DEPDC5: variants seen among roughly 807,000 people sequenced by gnomAD.
DEPDC5 encodes the protein DEP domain containing 5, GATOR1 subcomplex subunit.
In DEPDC5, 73 loss-of-function variants were observed where a neutral mutation model predicts 217.3. That is an observed-to-expected ratio of 0.34 (90% CI 0.28 to 0.41). The LOEUF is 0.41. DEPDC5 is among the 10% of genes least tolerant of loss of function. DEPDC5 has a pLI of 1.00. For missense variants in DEPDC5, 1,675 were observed against 2,070.1 expected, an observed-to-expected ratio of 0.81 and a Z score of 3.70; for synonymous variants, 733 against 756.7, an observed-to-expected ratio of 0.97 and a Z score of 0.51.
intron 10 of DEPDC5, among the ~76,000 whole-genome samples, chr22:31,789,015 G>A (rs903842548): frequency 3.9e-5 from 6 of 152,026 alleles, no homozygotes; most frequent in Non-Finnish European, 8.8e-5. Flanking sequence ...TCGTCCCTCA[G>A]CCTGCCAAGT....
intron 12 of DEPDC5, among the ~76,000 whole-genome samples, chr22:31,796,502 G>A (rs149546058): frequency 5.9e-5 from 9 of 152,314 alleles, no homozygotes; most frequent in Non-Finnish European, 1.2e-4. Context: ...AGTATTGCCA[G>A]TGAACATTTT....
At chr22:31,894,872 G>A (rs1219533601) in intron 39 of DEPDC5, 2 of 151,186 alleles carry the variant, frequency 1.3e-5, no homozygotes, top group Non-Finnish European at 2.9e-5. Context: ...AAAAAAGAAG[G>A]CCGGGAGCAG....
At chr22:31,763,618 A>AT (rs769050411) in intron 4 of DEPDC5, among the ~76,000 whole-genome samples, 2,039 of 143,814 alleles carry the variant, frequency 0.014, 35 homozygotes, top group African/African-American at 0.042. Context: ...TGCCTGGCTA[A>AT]TTTTTTTTTT....
chr22:31,825,898 G>C (rs187543077), intron 24 of DEPDC5, among the ~76,000 whole-genome samples: 5 of 152,276 alleles, frequency 3.3e-5, no homozygotes, highest in Non-Finnish European at 7.4e-5. Flanking sequence ...CAGGCTCCAG[G>C]ATCTTAGGAC....
chr22:31,868,706 C>T (rs143151213), intron 33 of DEPDC5, among the ~76,000 whole-genome samples: 25 of 152,312 alleles, frequency 1.6e-4, no homozygotes, highest in African/African-American at 5.8e-4. Context: ...AGATTACAGG[C>T]GTGAGCCACC....
In DEPDC5 at chr22:31,837,332, G is replaced by A. The variant is rs919499606; in HGVS notation, c.2354+177G>A. 6 of 631,822 alleles carry A rather than the reference G, an allele frequency of 9.5e-6. No individual in the cohort carries two copies. The African/African-American group carries it at 1.1e-4, about 12-fold the overall frequency. 39.1% of individuals were successfully genotyped at this position (631,822 alleles called of 1,614,324 possible). ...AAAAATTTTAAAAAAACATTGAATTGTATTTTATCTTTTTTTTTCCTTTTT... is the reference window on the plus strand; with the variant it reads ...AAAAATTTTAAAAAAACATTGAATTATATTTTATCTTTTTTTTTCCTTTTT... On this transcript the variant is annotated intron_variant, in intron 26 of 42. Coordinates refer to ENST00000651528, the MANE Select transcript of DEPDC5 (RefSeq NM_001242896.3).
chr22:31,854,226 C>G (rs1207806339), intron 31 of DEPDC5, among the ~76,000 whole-genome samples: 5 of 152,250 alleles, frequency 3.3e-5, no homozygotes, highest in Non-Finnish European at 7.3e-5. Flanking sequence ...AGGGCAAGGA[C>G]AGGGTCAGTC....
intron 21 of DEPDC5, chr22:31,816,091 G>C: frequency 1.2e-6 from 1 of 852,304 alleles, no homozygotes; most frequent in Non-Finnish European, 1.4e-6. Context: ...CTTGAGGCCA[G>C]AAGTTTGAGA....
chr22:31,768,391 G>T (rs2083015437), intron 6 of DEPDC5, among the ~76,000 whole-genome samples: 1 of 151,976 alleles, frequency 6.6e-6, no homozygotes, highest in Non-Finnish European at 1.5e-5. Flanking sequence ...TCCATACAGG[G>T]TATATTTTCA....
intron 41 of DEPDC5, among the ~76,000 whole-genome samples, chr22:31,905,637 G>A (rs965525886): frequency 1.3e-5 from 2 of 152,052 alleles, no homozygotes; most frequent in Non-Finnish European, 2.9e-5. Context: ...GATGGGTAGG[G>A]AACATGGTAG....
intron 27 of DEPDC5, among the ~76,000 whole-genome samples, chr22:31,842,788 A>G (rs2091475010): frequency 6.6e-6 from 1 of 152,152 alleles, no homozygotes; most frequent in Non-Finnish European, 1.5e-5. Context: ...TAACACAGTC[A>G]TCTCTTACAG....
intron 31 of DEPDC5, among the ~76,000 whole-genome samples, chr22:31,850,797 G>A (rs904113263): frequency 2.6e-5 from 4 of 152,134 alleles, no homozygotes; most frequent in African/African-American, 7.2e-5. Flanking sequence ...GAGGCCGGGC[G>A]CAGTGGCTCA....
At chr22:31,872,920 A>G (rs1458176446) in intron 34 of DEPDC5, among the ~76,000 whole-genome samples, 1 of 151,724 alleles carries the variant, frequency 6.6e-6, no homozygotes. Context: ...ATGCCTGGCT[A>G]ATTTTTGTAT....
At chr22:31,755,081 A>G in intron 2 of DEPDC5, 102 bp downstream of exon 2, 1 of 1,363,042 alleles carries the variant, frequency 7.3e-7, no homozygotes, top group Non-Finnish European at 1.0e-6. Flanking sequence ...ATTGAGGCTA[A>G]ACAGGCGACT....
At position 31,843,129 on chromosome 22, in the gene DEPDC5, C is replaced by G. The variant is rs774408944; in HGVS notation, c.2550C>G (p.Asp850Glu). The part of the protein sequence containing the change: ...LVSRNRPEEE[D>E]QYWLSMGRTF... ...CCCGAAACCGCCCTGAGGAGGAGGA[C>G]CAGTATTGGCTGAGTATGGGCAGAA... Residue 850 changes from aspartate (D) to glutamate (E), a missense_variant, in exon 28 of 43, where the codon GAC (aspartate) becomes GAG (glutamate). Physicochemically the swap from Asp to Glu is conservative, Grantham distance 45 (BLOSUM62 2). This residue lies in a region of DEPDC5 where 293 missense variants were observed against 386.1 expected (regional missense o/e 0.76). Coordinates refer to ENST00000651528, the MANE Select transcript of DEPDC5 (RefSeq NM_001242896.3). 3.7e-6 allele frequency: 6 copies of G among 1,613,830 alleles called. No individual in the cohort carries two copies. The African/African-American group carries it at 8.0e-5, about 22-fold the overall frequency.
rs562621798 is a variant in DEPDC5 at position 31,829,436 on chromosome 22, G to A, written c.2105-4479G>A. Among the ~76,000 whole-genome samples the A allele has an allele frequency of 3.5e-3, 537 of 152,258 alleles. 2 individuals carry two copies. The highest frequency in any genetic ancestry group is 0.014 in the Middle Eastern group (4 of 294). ...AATCCCAGCGACTTGGGAGGCTGAG[G>A]CAGGAGAATCGCTTGAACCCGGGAG... On this transcript the variant is annotated intron_variant, in intron 24 of 42. Transcript: ENST00000651528.
At chr22:31,843,961 C>T (rs1394805045) in intron 29 of DEPDC5, 149 bp downstream of exon 29, 12 of 920,858 alleles carry the variant, frequency 1.3e-5, no homozygotes, top group East Asian at 3.0e-5. Context: ...CGCGGTGGCT[C>T]ATGCCTGTAA....
Position 31,840,271 on chromosome 22 carries a change from G to A in DEPDC5, c.2515+1426G>A, listed in dbSNP as rs114130650. 2.1e-3 allele frequency among the ~76,000 whole-genome samples: 326 copies of A among 152,260 alleles called. 3 individuals carry two copies. The highest frequency in any genetic ancestry group is 7.2e-3 in the African/African-American group (301 of 41,546). ...CATGTAGGAGTTACCAGGAGCGGCA[G>A]GTTGGAAATGGAGGGCAGGAGTAGA... On this transcript the variant is annotated intron_variant, in intron 27 of 42. Transcript: ENST00000651528.
intron 18 of DEPDC5, 36 bp from the exon 19 acceptor site, chr22:31,809,575 A>G (rs764447600): frequency 3.7e-6 from 6 of 1,612,558 alleles, no homozygotes; most frequent in Non-Finnish European, 5.1e-6. Context: ...TTTCTAGCGA[A>G]GGAAGGAGTG....
Sources: gnomAD v4.1 joint callset for allele counts (sites outside exome capture counted in the v4.1 genomes callset) on GRCh38, gnomAD v4.1.1 for gene constraint, gnomAD v4.1.1 regional missense constraint, MANE v1.5 for transcripts, NCBI Gene and HGNC (gene_info 2026-07-23, HGNC 2026-07-21) for gene names.